CDKL1: variants seen among roughly 807,000 people sequenced by gnomAD.
CDKL1 encodes cyclin-dependent kinase-like 1.
Under a neutral mutation model 42.0 loss-of-function variants are expected in CDKL1, and 41 were observed. The observed-to-expected ratio is 0.98, with a 90% CI of 0.76 to 1.27. The LOEUF (loss-of-function observed/expected upper bound fraction) is 1.27, where lower values mean the gene tolerates loss of function less well. Among genes scored for constraint, CDKL1 ranks in the 50% most tolerant of loss-of-function variants. The pLI is 0.00. For missense variants in CDKL1, 394 were observed against 428.4 expected, an observed-to-expected ratio of 0.92 and a Z score of 0.71; for synonymous variants, 153 against 158.6, an observed-to-expected ratio of 0.96 and a Z score of 0.26.
chr14:50,335,633 C>G, intron 7 of CDKL1: 3 of 1,525,260 alleles, frequency 2.0e-6, no homozygotes, highest in Non-Finnish European at 2.6e-6. Context: ...CTGACAAAGG[C>G]TAATTGAGCA....
intron 2 of CDKL1, among the ~76,000 whole-genome samples, chr14:50,364,681 C>A (rs1431060633): frequency 6.6e-6 from 1 of 152,114 alleles, no homozygotes. Context: ...GAGTAAGAAG[C>A]GCAAGGGCTG....
At chr14:50,332,791 G>C in intron 8 of CDKL1, 1 of 770,656 alleles carries the variant, frequency 1.3e-6, no homozygotes, top group Non-Finnish European at 2.1e-6. Flanking sequence ...GTAAAAACTA[G>C]TGTTTTTATT....
At chr14:50,380,418 C>T (rs1315513282) in intron 2 of CDKL1, among the ~76,000 whole-genome samples, 1 of 152,212 alleles carries the variant, frequency 6.6e-6, no homozygotes, top group Non-Finnish European at 1.5e-5. Context: ...TATACACAGG[C>T]TCTGGCACTT....
chr14:50,335,186 C>T (rs886116692), intron 7 of CDKL1, among the ~76,000 whole-genome samples: 3 of 148,980 alleles, frequency 2.0e-5, no homozygotes, highest in African/African-American at 7.4e-5. Flanking sequence ...GTACTAGCTA[C>T]TTGGGAGGCT....
At chr14:50,387,160 T>A (rs2035107532) in intron 2 of CDKL1, among the ~76,000 whole-genome samples, 1 of 141,738 alleles carries the variant, frequency 7.1e-6, no homozygotes, top group African/African-American at 2.7e-5. Flanking sequence ...TGAGCCATCA[T>A]TGCCCCACTG....
intron 3 of CDKL1, among the ~76,000 whole-genome samples, chr14:50,345,478 G>A (rs1054764370): frequency 9.9e-5 from 15 of 152,202 alleles, no homozygotes; most frequent in African/African-American, 2.7e-4. Context: ...GCCCCAAACA[G>A]ACAGCCTTGA....
At chr14:50,370,714 AG>A (rs2034566668) in intron 2 of CDKL1, among the ~76,000 whole-genome samples, 1 of 152,194 alleles carries the variant, frequency 6.6e-6, no homozygotes, top group Non-Finnish European at 1.5e-5. Flanking sequence ...TCATGGCAAA[AG>A]GTGAAGGAGG....
Position 50,328,320 on chromosome 14 carries a change from A to G in CDKL1, c.*1754T>C, listed in dbSNP as rs1467737488. Reference sequence around the variant, plus strand: ...GGAATTGAATAATTCAGGGACTAGCATTTAACCCATATCAGGTCTAGGCAA... The same window carrying G: ...GGAATTGAATAATTCAGGGACTAGCGTTTAACCCATATCAGGTCTAGGCAA... On this transcript the variant is annotated 3_prime_UTR_variant, in exon 10 of 10. Transcript: ENST00000395834. 1 of 152,202 alleles carries G rather than the reference A, an allele frequency of 6.6e-6. No homozygotes were observed. The highest frequency in any genetic ancestry group is 6.5e-5 in the Admixed American group (1 of 15,282). 9.4% of individuals were successfully genotyped at this position (152,202 alleles called of 1,614,324 possible). A position where few individuals can be genotyped will look rare whatever the true frequency, so the allele number is the denominator to read the frequency against.
chr14:50,386,665 C>T (rs1385422957), intron 2 of CDKL1, among the ~76,000 whole-genome samples: 1 of 151,786 alleles, frequency 6.6e-6, no homozygotes, highest in Non-Finnish European at 1.5e-5. Flanking sequence ...GGGGTCATGC[C>T]TGTAAACCCA....
chr14:50,358,379 C>T (rs2034123233), intron 3 of CDKL1, among the ~76,000 whole-genome samples: 1 of 152,164 alleles, frequency 6.6e-6, no homozygotes, highest in Non-Finnish European at 1.5e-5. Context: ...TTGGAATCTT[C>T]CTTTCAATCT....
In CDKL1 at chr14:50,332,686, C is replaced by A; in HGVS notation, c.796-254G>T. On this transcript the variant is annotated intron_variant, in intron 8 of 9. Coordinates refer to ENST00000395834, the MANE Select transcript of CDKL1 (RefSeq NM_004196.7). Reference sequence around the variant, plus strand: ...TATTCTGTTCTTGAAGCAATTGGTACTCTGCCCTGGGAGAGTAAGATATAA... The same window carrying A: ...TATTCTGTTCTTGAAGCAATTGGTAATCTGCCCTGGGAGAGTAAGATATAA... 2.6e-6 allele frequency: 4 copies of A among 1,533,434 alleles called. No homozygotes were observed. In the Admixed American group the frequency reaches 5.9e-5, roughly 23 times the overall value. The allele number at this position is 1,533,434 out of a possible 1,614,324, so 95.0% of individuals were successfully genotyped here.
At chr14:50,342,765 G>T in intron 4 of CDKL1, 1 of 702,178 alleles carries the variant, frequency 1.4e-6, no homozygotes, top group Non-Finnish European at 1.9e-6. Flanking sequence ...AACACAGTCA[G>T]CCTCGTAAAC....
intron 2 of CDKL1, 150 bp downstream of exon 2, chr14:50,395,551 C>T (rs1243134556): frequency 3.3e-6 from 2 of 605,130 alleles, no homozygotes; most frequent in Non-Finnish European, 5.8e-6. Context: ...CCTGTAATCC[C>T]AGCTACTCAG....
chr14:50,336,231 G>A (rs1490975672), intron 7 of CDKL1: 2 of 1,316,466 alleles, frequency 1.5e-6, no homozygotes, highest in Non-Finnish European at 2.0e-6. Flanking sequence ...CTGGGGCACA[G>A]ATGTTCAACC....
chr14:50,369,047 A>C (rs1305203222), intron 2 of CDKL1, among the ~76,000 whole-genome samples: 1 of 151,414 alleles, frequency 6.6e-6, no homozygotes, highest in African/African-American at 2.4e-5. Context: ...TTGTATTTTT[A>C]GTAGAGACAG....
intron 4 of CDKL1, among the ~76,000 whole-genome samples, chr14:50,343,468 T>C (rs1299288320): frequency 6.6e-6 from 1 of 152,208 alleles, no homozygotes; most frequent in Non-Finnish European, 1.5e-5. Flanking sequence ...GATTTTATTA[T>C]AATCGATCTG....
At chr14:50,374,417 A>C (rs546630290) in intron 2 of CDKL1, among the ~76,000 whole-genome samples, 6 of 152,350 alleles carry the variant, frequency 3.9e-5, no homozygotes, top group African/African-American at 1.4e-4. Flanking sequence ...TAAGATATGC[A>C]AAGTGTTAAA....
At position 50,359,299 on chromosome 14, in the gene CDKL1, A is replaced by T. The variant is rs1260877802; in HGVS notation, c.169-150T>A. ...TAAACAGTATCATCTTACCCCTCTT[A>T]ACAAGCTATTTGTCAGTAGCTTGTA... is the stretch of plus-strand genomic sequence containing the variant. On this transcript the variant is annotated intron_variant, in intron 2 of 9. Transcript: ENST00000395834. The T allele has an allele frequency of 4.7e-6, 4 of 850,176 alleles. No individual in the cohort carries two copies. In the African/African-American group the frequency reaches 6.9e-5, roughly 15 times the overall value. The allele number at this position is 850,176 out of a possible 1,614,324, so 52.7% of individuals were successfully genotyped here.
At chr14:50,374,417 A>G (rs546630290) in intron 2 of CDKL1, among the ~76,000 whole-genome samples, 5 of 152,232 alleles carry the variant, frequency 3.3e-5, no homozygotes, top group African/African-American at 1.2e-4. Context: ...TAAGATATGC[A>G]AAGTGTTAAA....
Sources: gnomAD v4.1 joint callset for allele counts (sites outside exome capture counted in the v4.1 genomes callset) on GRCh38, gnomAD v4.1.1 for gene constraint, MANE v1.5 for transcripts, NCBI Gene and HGNC (gene_info 2026-07-23, HGNC 2026-07-21) for gene names.